The following ATF6 variants were observed in gnomAD, a reference collection of about 807,000 sequenced individuals.
ATF6 encodes the protein activating transcription factor 6, also known as cyclic AMP-dependent transcription factor ATF-6 alpha.
In ATF6, 53 loss-of-function variants were observed where a neutral mutation model predicts 83.6. The ratio of observed to expected loss-of-function variants is 0.63; its 90% CI spans 0.51 to 0.80. ATF6 has a LOEUF of 0.80. Ranked by LOEUF, ATF6 falls within the 30% of genes least tolerant of loss-of-function variation. ATF6 has a pLI of 0.00. For synonymous variants in ATF6, 288 were observed against 285.8 expected (o/e 1.01, Z -0.08); for missense variants, 744 against 797.9 (o/e 0.93, Z 0.81).
rs754706859 is a variant in ATF6, at chr1:161,958,980, A to G, written c.*326A>G. The G allele has an allele frequency of 3.4e-5, 7 of 208,138 alleles. No individual in the cohort carries two copies. The highest frequency in any genetic ancestry group is 6.9e-5 in the African/African-American group (3 of 43,792). The allele number at this position is 208,138 out of a possible 1,614,324, so 12.9% of individuals were successfully genotyped here. On this transcript the variant is annotated 3_prime_UTR_variant, in exon 16 of 16. Transcript: ENST00000367942. ...CTCTGTGATGGTTTTGTGTTTAAACAGTCATCTTCTTTTAAATAATATCCA... is the reference window on the plus strand; with the variant it reads ...CTCTGTGATGGTTTTGTGTTTAAACGGTCATCTTCTTTTAAATAATATCCA...
chr1:161,908,695 A>G (rs1162282646), intron 14 of ATF6, among the ~76,000 whole-genome samples: 1 of 152,208 alleles, frequency 6.6e-6, no homozygotes, highest in Non-Finnish European at 1.5e-5. Flanking sequence ...ATGTCTTAAA[A>G]TTAATGACAT....
chr1:161,831,685 T>A (rs1557984294), intron 9 of ATF6, among the ~76,000 whole-genome samples: 1 of 151,350 alleles, frequency 6.6e-6, no homozygotes, highest in African/African-American at 2.4e-5. Flanking sequence ...CTCAGCAAAC[T>A]ATCACAAGGA....
Position 161,766,333 on chromosome 1 carries a change from G to T in ATF6, c.-28G>T. ...CGCCGCCGTCCCAGATATTAATCAC[G>T]GAGTTCCAGGGAGAAGGAACTTGTG... On this transcript the variant is annotated 5_prime_UTR_variant, in exon 1 of 16. Transcript: ENST00000367942. 6.2e-7 allele frequency: 1 copy of T among 1,601,104 alleles called. No individual in the cohort carries two copies. The highest frequency in any genetic ancestry group is 8.6e-7 in the Non-Finnish European group (1 of 1,169,486).
chr1:161,896,116 C>T lies in ATF6; in HGVS notation c.1720-16180C>T, dbSNP rs544936002. 4.1e-4 allele frequency among the ~76,000 whole-genome samples: 63 copies of T among 152,092 alleles called. 1 individual carries two copies. The highest frequency in any genetic ancestry group is 1.9e-4 in the East Asian group (1 of 5,190). On this transcript the variant is annotated intron_variant, in intron 14 of 15. Coordinates refer to ENST00000367942, the MANE Select transcript of ATF6 (RefSeq NM_007348.4). ...TACATCCGTCTATCTATCCATCAAT[C>T]GATAGATAGATGTATTTGTCTCATT...
chr1:161,802,680 A>C (rs186989199), intron 7 of ATF6, among the ~76,000 whole-genome samples: 1 of 152,292 alleles, frequency 6.6e-6, no homozygotes, highest in African/African-American at 2.4e-5. Context: ...CTTTTTAGGT[A>C]GGTTTTATAT....
chr1:161,824,386 TAAA>T (rs72265058), intron 9 of ATF6, among the ~76,000 whole-genome samples: 3 of 140,260 alleles, frequency 2.1e-5, no homozygotes, highest in Non-Finnish European at 3.1e-5. Context: ...TGGTCAAAAT[TAAA>T]AAAAAAAAAA....
chr1:161,938,223 TG>T (rs1431852366), intron 15 of ATF6, among the ~76,000 whole-genome samples: 1 of 152,216 alleles, frequency 6.6e-6, no homozygotes, highest in African/African-American at 2.4e-5. Flanking sequence ...CTCTCATTTT[TG>T]TTTAAGGTAT....
In ATF6 at chr1:161,766,365, G is replaced by T; in HGVS notation, c.5G>T (p.Gly2Val). 6.2e-7 allele frequency: 1 copy of T among 1,612,806 alleles called. No homozygotes were observed. The highest frequency in any genetic ancestry group is 8.5e-7 in the Non-Finnish European group (1 of 1,179,366). M[G>V]EPAGVAGTME... Reference sequence around the variant, plus strand: ...CAGGGAGAAGGAACTTGTGAAATGGGGGAGCCGGCTGGGGTTGCCGGCACC... The same window carrying T: ...CAGGGAGAAGGAACTTGTGAAATGGTGGAGCCGGCTGGGGTTGCCGGCACC... The change falls in exon 1 of 16, where the codon GGG becomes GTG. Residue 2 changes from glycine (G) to valine (V), a missense_variant. By Grantham distance (109) the Gly-to-Val change is moderately radical. Coordinates refer to ENST00000367942, the MANE Select transcript of ATF6 (RefSeq NM_007348.4).
intron 7 of ATF6, among the ~76,000 whole-genome samples, chr1:161,811,543 A>T (rs1201161127): frequency 1.3e-5 from 2 of 152,208 alleles, no homozygotes; most frequent in Admixed American, 1.3e-4. Context: ...TTTAGTTATA[A>T]TTTTAAATTT....
At position 161,960,573 on chromosome 1, in the gene ATF6, G is replaced by A. The variant is rs1425524620; in HGVS notation, c.*1919G>A. The A allele has an allele frequency of 6.6e-6, 1 of 152,180 alleles. No individual in the cohort carries two copies. Among genetic ancestry groups the A allele is most frequent in the African/African-American group, 2.4e-5 (1 of 41,432 alleles). 9.4% of individuals were successfully genotyped at this position (152,180 alleles called of 1,614,324 possible). ...GAAATCAGTTCAACTTTTGTGAGCG[G>A]GGAAAAGCAGGGCTTTATTGTTGTG... On this transcript the variant is annotated 3_prime_UTR_variant, in exon 16 of 16. Transcript: ENST00000367942.
intron 14 of ATF6, among the ~76,000 whole-genome samples, chr1:161,871,105 T>G (rs187256619): frequency 6.6e-6 from 1 of 151,822 alleles, no homozygotes; most frequent in Admixed American, 6.6e-5. Flanking sequence ...ACTAACTGTT[T>G]ATTTGTGTTG....
At chr1:161,815,492 C>A (rs1685593073) in intron 7 of ATF6, among the ~76,000 whole-genome samples, 1 of 151,718 alleles carries the variant, frequency 6.6e-6, no homozygotes, top group Non-Finnish European at 1.5e-5. Context: ...CTACTGGCTC[C>A]TATCTAGTAT....
At chr1:161,889,633 C>G (rs540899155) in intron 14 of ATF6, among the ~76,000 whole-genome samples, 1 of 152,324 alleles carries the variant, frequency 6.6e-6, no homozygotes, top group South Asian at 2.1e-4. Context: ...GGAAACAAAT[C>G]AAGACTTGGC....
intron 7 of ATF6, among the ~76,000 whole-genome samples, chr1:161,815,100 CA>C (rs1259501582): frequency 1.3e-5 from 2 of 151,190 alleles, no homozygotes; most frequent in African/African-American, 4.9e-5. Flanking sequence ...CCATGTGATT[CA>C]TCCATAGGTT....
intron 4 of ATF6, among the ~76,000 whole-genome samples, chr1:161,789,337 A>G (rs1684827191): frequency 6.9e-6 from 1 of 144,674 alleles, no homozygotes; most frequent in Non-Finnish European, 1.5e-5. Flanking sequence ...AGCCTCTGGT[A>G]ACCATCCTTC....
chr1:161,868,725 C>T (rs1687063472), intron 14 of ATF6, among the ~76,000 whole-genome samples: 1 of 151,152 alleles, frequency 6.6e-6, no homozygotes, highest in Non-Finnish European at 1.5e-5. Flanking sequence ...GTAATATAAG[C>T]TGTGCTGAAT....
chr1:161,778,713 AAGTT>A (rs1684574833), intron 2 of ATF6, among the ~76,000 whole-genome samples: 1 of 152,114 alleles, frequency 6.6e-6, no homozygotes, highest in Non-Finnish European at 1.5e-5. Context: ...CTGCTTGACT[AAGTT>A]AGTCCTTTTT....
intron 15 of ATF6, 80 bp downstream of exon 15, chr1:161,912,460 T>C (rs1205863200): frequency 3.2e-6 from 3 of 923,254 alleles, no homozygotes; most frequent in Non-Finnish European, 4.9e-6. Flanking sequence ...CAAAGACATT[T>C]AAAATGTTCA....
intron 14 of ATF6, among the ~76,000 whole-genome samples, chr1:161,880,735 G>A (rs1043953278): frequency 6.6e-6 from 1 of 152,110 alleles, no homozygotes; most frequent in Non-Finnish European, 1.5e-5. Flanking sequence ...AGGGACAAAT[G>A]CACTCACTTC....
Sources: gnomAD v4.1 joint callset for allele counts (sites outside exome capture counted in the v4.1 genomes callset) on GRCh38, gnomAD v4.1.1 for gene constraint, MANE v1.5 for transcripts, NCBI Gene and HGNC (gene_info 2026-07-23, HGNC 2026-07-21) for gene names.